The following NSMAF variants were observed in gnomAD, a reference collection of about 807,000 sequenced individuals.
The protein encoded by NSMAF is neutral sphingomyelinase activation associated factor.
NSMAF carries 90 observed loss-of-function variants against 134.9 expected under a neutral mutation model. The observed-to-expected ratio is 0.67, with a 90% CI of 0.56 to 0.79. The LOEUF is 0.79. Ranked by LOEUF, NSMAF falls within the 30% of genes least tolerant of loss-of-function variation. The pLI is 0.00. For synonymous variants in NSMAF, 358 were observed against 389.6 expected, an observed-to-expected ratio of 0.92 and a Z score of 0.96; for missense variants, 1,010 against 1,119.0, an observed-to-expected ratio of 0.90 and a Z score of 1.39.
rs757754288 is a variant in NSMAF, at chr8:58,585,761, C to A, written c.2550G>T (p.Arg850Ser). 25 of 1,613,588 alleles carry A rather than the reference C, an allele frequency of 1.5e-5. No homozygotes were observed. In the South Asian group the frequency reaches 1.8e-4, roughly 11 times the overall value. ...ISSMTSDEPQ[R>S]CFVWDGNSVL... is the part of the protein sequence containing the mutation. ...CGGAATTTCCATCCCAGACAAAGCACCTGCAAGAATGATTTAGAAATAGTC... is the reference window on the plus strand; with the variant it reads ...CGGAATTTCCATCCCAGACAAAGCAACTGCAAGAATGATTTAGAAATAGTC... The change falls in exon 30 of 31, where the codon AGG (arginine) becomes AGT (serine). Residue 850 changes from arginine to serine, a missense_variant and splice_region_variant. Arg to Ser is a moderately radical substitution (Grantham distance 110). Transcript: ENST00000038176.
At chr8:58,628,755 A>C (rs922006245) in intron 6 of NSMAF, among the ~76,000 whole-genome samples, 2 of 152,168 alleles carry the variant, frequency 1.3e-5, no homozygotes, top group African/African-American at 2.4e-5. Flanking sequence ...TTTATCTGGG[A>C]AAGTCCTTAT....
intron 2 of NSMAF, chr8:58,640,004 C>A: frequency 2.2e-6 from 1 of 448,220 alleles, no homozygotes; most frequent in Non-Finnish European, 4.5e-6. Flanking sequence ...GAGCTTTGTT[C>A]AGGCAAGAGT....
chr8:58,602,058 C>T lies in NSMAF; in HGVS notation c.1125G>A (p.Leu375=). ...ACCAAGAATCTCTAAGTCCACATAC[C>T]AGTAGTCTCTCCAGCCGTTCCTTAT... ...ALNKERLERL[L]TRYQEMPEPK... The change falls in exon 14 of 31, where the codon CTG becomes CTA. Residue 375 remains leucine, a splice_region_variant and synonymous_variant. Transcript: ENST00000038176. 6.2e-7 allele frequency: 1 copy of T among 1,611,508 alleles called. No individual in the cohort carries two copies. Among genetic ancestry groups the T allele is most frequent in the Non-Finnish European group, 8.5e-7 (1 of 1,177,890 alleles).
chr8:58,619,208 A>C (rs559631261), intron 9 of NSMAF, among the ~76,000 whole-genome samples: 4 of 152,324 alleles, frequency 2.6e-5, no homozygotes, highest in African/African-American at 7.2e-5. Context: ...GCAGAGAAAG[A>C]ATCAAACAAA....
chr8:58,585,986 G>C lies in NSMAF; in HGVS notation c.2461C>G (p.Leu821Val). Residue 821 changes from leucine (L) to valine (V), a missense_variant, in exon 29 of 31, where the codon CTC becomes GTC. Transcript: ENST00000038176. ...TAFSPDSRHV[L>V]STGTDGCLNV... ...AGACAGCCATCTGTTCCTGTGCTGA[G>C]GACATGGCGACTATCTGCAACACAA... is the stretch of plus-strand genomic sequence containing the variant. 1 of 1,613,662 alleles carries C rather than the reference G, an allele frequency of 6.2e-7. No individual in the cohort carries two copies. Among genetic ancestry groups the C allele is most frequent in the South Asian group, 1.1e-5 (1 of 91,072 alleles).
chr8:58,651,162 C>A (rs371912435), intron 1 of NSMAF, among the ~76,000 whole-genome samples: 1 of 152,204 alleles, frequency 6.6e-6, no homozygotes, highest in Non-Finnish European at 1.5e-5. Flanking sequence ...TCTTACCCAA[C>A]TCCAGTGACA....
In NSMAF at chr8:58,609,795, A is replaced by G. The variant is rs1806486888; in HGVS notation, c.558-62T>C. The G allele has an allele frequency of 4.6e-6, 7 of 1,527,040 alleles. No homozygotes were observed. The Admixed American group carries it at 6.8e-5, about 15-fold the overall frequency. 94.6% of individuals were successfully genotyped at this position (1,527,040 alleles called of 1,614,324 possible). A position where few individuals can be genotyped will look rare whatever the true frequency, so the allele number is the denominator to read the frequency against. On this transcript the variant is annotated intron_variant, in intron 9 of 30. Transcript: ENST00000038176. ...AGAAATTGATCTACTTTCTAGGTTT[A>G]TCTAAGGGAGCTACAGTGTGACTTT...
intron 21 of NSMAF, among the ~76,000 whole-genome samples, chr8:58,596,684 C>T (rs1021468984): frequency 6.8e-4 from 103 of 152,148 alleles, no homozygotes; most frequent in Non-Finnish European, 2.5e-4. Flanking sequence ...AATCCCAGCA[C>T]TTTGGGAGGC....
intron 12 of NSMAF, among the ~76,000 whole-genome samples, chr8:58,605,077 A>G (rs1307225124): frequency 6.6e-6 from 1 of 152,204 alleles, no homozygotes; most frequent in Non-Finnish European, 1.5e-5. Flanking sequence ...ATTCCTTTCC[A>G]GTTATCTAGC....
chr8:58,590,270 TGTATGTCAA>T (rs1304771573), intron 24 of NSMAF, among the ~76,000 whole-genome samples, 196 bp from the exon 25 acceptor site: 1 of 152,256 alleles, frequency 6.6e-6, no homozygotes, highest in East Asian at 1.9e-4. Flanking sequence ...GGAATGTCCA[TGTATGTCAA>T]GGGTATTTAC....
intron 12 of NSMAF, 112 bp downstream of exon 12, chr8:58,605,815 G>C (rs1421610772): frequency 9.5e-6 from 11 of 1,163,676 alleles, no homozygotes; most frequent in Non-Finnish European, 1.2e-5. Flanking sequence ...AGGAGGCGGA[G>C]GTTGCAGTGA....
intron 2 of NSMAF, among the ~76,000 whole-genome samples, chr8:58,641,636 A>G (rs1218862098): frequency 6.6e-6 from 1 of 152,196 alleles, no homozygotes; most frequent in Non-Finnish European, 1.5e-5. Flanking sequence ...ATTTCTTATC[A>G]GTCAGTTCAG....
At chr8:58,629,884 G>GT (rs1396845359) in intron 6 of NSMAF, among the ~76,000 whole-genome samples, 10 of 152,208 alleles carry the variant, frequency 6.6e-5, no homozygotes, top group Non-Finnish European at 1.0e-4. Context: ...CTTTGAAGCA[G>GT]TAGCGTGCTA....
At chr8:58,653,483 A>G (rs1231455895) in intron 1 of NSMAF, among the ~76,000 whole-genome samples, 2 of 152,126 alleles carry the variant, frequency 1.3e-5, no homozygotes, top group Non-Finnish European at 2.9e-5. Context: ...GAAAAGTAAA[A>G]CAATGGAAAA....
chr8:58,635,520 C>T lies in NSMAF; in HGVS notation c.176G>A (p.Cys59Tyr). ...TGGTTCAAAAATCACCGATTTTGAA[C>T]ATATTTTTAAGGAGCCTCTGATTTT... ...ERKIRGSLKI[C>Y]SKSVIFEPDS... The change falls in exon 3 of 31, where the codon TGT becomes TAT. Residue 59 changes from cysteine (C) to tyrosine (Y), a missense_variant. Cys to Tyr is a radical substitution (Grantham distance 194). Coordinates refer to ENST00000038176, the MANE Select transcript of NSMAF (RefSeq NM_003580.4). The T allele has an allele frequency of 6.2e-7, 1 of 1,605,062 alleles. No individual in the cohort carries two copies.
At chr8:58,621,577 A>G (rs1178279886) in intron 9 of NSMAF, among the ~76,000 whole-genome samples, 2 of 152,214 alleles carry the variant, frequency 1.3e-5, no homozygotes, top group Admixed American at 1.3e-4. Context: ...TGCCACCAAC[A>G]GGGTACAAGC....
At chr8:58,624,921 G>T (rs901077579) in intron 6 of NSMAF, among the ~76,000 whole-genome samples, 17 of 152,148 alleles carry the variant, frequency 1.1e-4, no homozygotes, top group Non-Finnish European at 2.9e-5. Flanking sequence ...ATATTTAGAT[G>T]TTCTGAGGTT....
intron 29 of NSMAF, 34 bp downstream of exon 29, chr8:58,585,864 A>C: frequency 1.9e-6 from 3 of 1,592,422 alleles, no homozygotes; most frequent in Non-Finnish European, 2.6e-6. Context: ...CATGTCTGTA[A>C]ATGTCTTCGC....
intron 1 of NSMAF, among the ~76,000 whole-genome samples, chr8:58,656,032 T>G (rs1169914162): frequency 6.6e-6 from 1 of 152,134 alleles, no homozygotes; most frequent in Non-Finnish European, 1.5e-5. Context: ...TTTGTTTGTT[T>G]GTTTGAGATG....
Sources: gnomAD v4.1 joint callset for allele counts (sites outside exome capture counted in the v4.1 genomes callset) on GRCh38, gnomAD v4.1.1 for gene constraint, MANE v1.5 for transcripts, NCBI Gene and HGNC (gene_info 2026-07-23, HGNC 2026-07-21) for gene names.